SCN8A: variants seen among roughly 807,000 people sequenced by gnomAD.
SCN8A encodes sodium voltage-gated channel alpha subunit 8, also known as sodium channel protein type 8 subunit alpha.
SCN8A carries 30 observed loss-of-function variants against 184.1 expected under a neutral mutation model. The observed-to-expected ratio is 0.16, with a 90% CI of 0.12 to 0.22. SCN8A has a LOEUF of 0.22. Among genes scored for constraint, SCN8A ranks in the 10% least tolerant of loss-of-function variants. SCN8A has a pLI of 1.00. For missense variants in SCN8A, 1,057 were observed against 2,498.9 expected, an observed-to-expected ratio of 0.42 and a Z score of 12.30; for synonymous variants, 852 against 907.0, an observed-to-expected ratio of 0.94 and a Z score of 1.09.
chr12:51,604,446 A>G (rs944847875), intron 1 of SCN8A, among the ~76,000 whole-genome samples: 1 of 151,560 alleles, frequency 6.6e-6, no homozygotes, highest in Non-Finnish European at 1.5e-5. Flanking sequence ...GCCTTCCTCA[A>G]TACCACACGG....
At chr12:51,626,703 A>G (rs937862532) in intron 1 of SCN8A, among the ~76,000 whole-genome samples, 1 of 151,988 alleles carries the variant, frequency 6.6e-6, no homozygotes, top group African/African-American at 2.4e-5. Context: ...TAGGACAAAA[A>G]TACATTCTCT....
chr12:51,785,796 C>T (rs891745483), intron 21 of SCN8A, among the ~76,000 whole-genome samples: 1 of 152,158 alleles, frequency 6.6e-6, no homozygotes, highest in Admixed American at 6.5e-5. Flanking sequence ...ATTTCTAATA[C>T]ACTGTGATGA....
chr12:51,661,646 C>T (rs935926442), intron 1 of SCN8A, among the ~76,000 whole-genome samples: 3 of 152,070 alleles, frequency 2.0e-5, no homozygotes, highest in Non-Finnish European at 2.9e-5. Context: ...CTGGATTGTT[C>T]TTATGGTGTT....
At chr12:51,678,426 G>A (rs1941264133) in intron 2 of SCN8A, among the ~76,000 whole-genome samples, 1 of 152,178 alleles carries the variant, frequency 6.6e-6, no homozygotes, top group Non-Finnish European at 1.5e-5. Context: ...ATAATAATAG[G>A]CTTTCTCCTC....
chr12:51,721,366 A>G (rs1942057447), intron 11 of SCN8A, among the ~76,000 whole-genome samples, 180 bp from the exon 12 acceptor site: 1 of 152,110 alleles, frequency 6.6e-6, no homozygotes, highest in Non-Finnish European at 1.5e-5. Flanking sequence ...CAGGTGAGTA[A>G]CAATGGGTGA....
chr12:51,810,308 C>CT lies in SCN8A; in HGVS notation c.*2880dup, dbSNP rs1280024539. On this transcript the variant is annotated 3_prime_UTR_variant, in exon 27 of 27. Transcript: ENST00000627620. Reference sequence around the variant, plus strand: ...CCTTCACCCACTGTCCTTCCACCTGCTCACTCACTCACTCTCTCACCCATC... The same window carrying CT: ...CCTTCACCCACTGTCCTTCCACCTGCTTCACTCACTCACTCTCTCACCCATC... 1 of 306,916 alleles carries CT rather than the reference C, an allele frequency of 3.3e-6. No individual in the cohort carries two copies. The highest frequency in any genetic ancestry group is 2.3e-5 in the African/African-American group (1 of 43,896). 19.0% of individuals were successfully genotyped at this position (306,916 alleles called of 1,614,324 possible). A position where few individuals can be genotyped will look rare whatever the true frequency, so the allele number is the denominator to read the frequency against.
chr12:51,645,830 TC>T, intron 1 of SCN8A, among the ~76,000 whole-genome samples: 1 of 149,078 alleles, frequency 6.7e-6, no homozygotes, highest in Non-Finnish European at 1.5e-5. Flanking sequence ...GGCCTCAGGG[TC>T]CTCTGCCTAG....
At chr12:51,767,872 C>G (rs1320388727) in intron 16 of SCN8A, among the ~76,000 whole-genome samples, 1 of 152,190 alleles carries the variant, frequency 6.6e-6, no homozygotes, top group African/African-American at 2.4e-5. Flanking sequence ...TCTCTGTCAT[C>G]ATCTGTGACT....
Position 51,769,823 on chromosome 12 carries a change from T to C in SCN8A, c.3373-45T>C, listed in dbSNP as rs757418095. 1.2e-5 allele frequency: 15 copies of C among 1,266,364 alleles called. No individual in the cohort carries two copies. The South Asian group carries it at 1.7e-4, about 14-fold the overall frequency. 78.4% of individuals were successfully genotyped at this position (1,266,364 alleles called of 1,614,324 possible). On this transcript the variant is annotated intron_variant, in intron 17 of 26. Coordinates refer to ENST00000627620, the MANE Select transcript of SCN8A (RefSeq NM_001330260.2). ...CAGAGTTCTCAGTGTGGAGTGGGCATGTTGCCTCAGAGCTGCCTGATCTCC... is the reference window on the plus strand; with the variant it reads ...CAGAGTTCTCAGTGTGGAGTGGGCACGTTGCCTCAGAGCTGCCTGATCTCC...
intron 12 of SCN8A, among the ~76,000 whole-genome samples, chr12:51,739,526 C>G (rs148636431): frequency 1.5e-3 from 223 of 152,296 alleles, no homozygotes; most frequent in African/African-American, 5.0e-3. Flanking sequence ...TCTTCTGTTA[C>G]TTCACTATTC....
At chr12:51,634,734 C>T (rs1046049505) in intron 1 of SCN8A, among the ~76,000 whole-genome samples, 3 of 150,486 alleles carry the variant, frequency 2.0e-5, no homozygotes, top group Non-Finnish European at 4.4e-5. Flanking sequence ...CTGCAACCTC[C>T]TCCTCCTGGG....
chr12:51,750,526 C>T (rs978007756), intron 13 of SCN8A, among the ~76,000 whole-genome samples: 1 of 152,150 alleles, frequency 6.6e-6, no homozygotes, highest in Non-Finnish European at 1.5e-5. Context: ...ATTTCTAACT[C>T]AACCATGAGC....
chr12:51,674,510 T>C (rs1260018987), intron 2 of SCN8A, among the ~76,000 whole-genome samples: 3 of 152,190 alleles, frequency 2.0e-5, no homozygotes, highest in East Asian at 3.9e-4. Flanking sequence ...TTTTTTTGTA[T>C]TTTTAGTAGA....
chr12:51,603,575 T>C (rs183360577), intron 1 of SCN8A, among the ~76,000 whole-genome samples: 127 of 152,322 alleles, frequency 8.3e-4, no homozygotes, highest in Non-Finnish European at 1.4e-3. Context: ...CTGGGTAATA[T>C]AGTAAGTGTA....
chr12:51,769,845 C>T (rs781441162), intron 17 of SCN8A, 23 bp from the exon 18 acceptor site: 10 of 1,508,102 alleles, frequency 6.6e-6, no homozygotes, highest in Non-Finnish European at 6.4e-6. Context: ...GCTGCCTGAT[C>T]TCCCTTTTCC....
At chr12:51,782,966 G>A (rs965627147) in intron 21 of SCN8A, among the ~76,000 whole-genome samples, 6 of 152,286 alleles carry the variant, frequency 3.9e-5, no homozygotes, top group African/African-American at 1.2e-4. Flanking sequence ...TTTGAAAAGC[G>A]TCTACATCAA....
intron 19 of SCN8A, among the ~76,000 whole-genome samples, chr12:51,772,909 G>GA (rs2138876173): frequency 6.6e-6 from 1 of 152,126 alleles, no homozygotes; most frequent in South Asian, 2.1e-4. Flanking sequence ...GAGGTCAGGA[G>GA]ATTGAGACCA....
intron 13 of SCN8A, among the ~76,000 whole-genome samples, chr12:51,749,867 G>C (rs1356977089): frequency 4.6e-5 from 7 of 152,236 alleles, no homozygotes; most frequent in Non-Finnish European, 1.0e-4. Flanking sequence ...GAATTGAACA[G>C]AGAGAGAGTA....
intron 1 of SCN8A, among the ~76,000 whole-genome samples, chr12:51,642,743 C>T (rs1940483052): frequency 1.3e-5 from 2 of 151,372 alleles, no homozygotes; most frequent in African/African-American, 4.9e-5. Flanking sequence ...GTTTTTGCCT[C>T]TTCTGCTTGC....
Sources: gnomAD v4.1 joint callset for allele counts (sites outside exome capture counted in the v4.1 genomes callset) on GRCh38, gnomAD v4.1.1 for gene constraint, MANE v1.5 for transcripts, NCBI Gene and HGNC (gene_info 2026-07-23, HGNC 2026-07-21) for gene names.